ARHGEF18: variants seen among roughly 807,000 people sequenced by gnomAD.
ARHGEF18 encodes the protein rho guanine nucleotide exchange factor 18.
ARHGEF18 carries 93 observed loss-of-function variants against 155.7 expected under a neutral mutation model. That is an observed-to-expected ratio of 0.60 (90% CI 0.50 to 0.71). ARHGEF18 has a LOEUF of 0.71. Ranked by LOEUF, ARHGEF18 falls within the 30% of genes least tolerant of loss-of-function variation. The pLI, the probability that ARHGEF18 is intolerant of heterozygous loss-of-function variation, is 0.00. For synonymous variants in ARHGEF18, 742 were observed against 753.1 expected (o/e 0.99, Z 0.24); for missense variants, 1,593 against 1,816.1 (o/e 0.88, Z 2.23).
At chr19:7,388,025 C>T (rs1468878624) in intron 10 of ARHGEF18, among the ~76,000 whole-genome samples, 2 of 151,876 alleles carry the variant, frequency 1.3e-5, no homozygotes, top group South Asian at 2.1e-4. Flanking sequence ...GTTTGCCAAC[C>T]CCTGAACGAG....
intron 7 of ARHGEF18, among the ~76,000 whole-genome samples, chr19:7,379,489 T>G (rs377205494): frequency 4.6e-5 from 7 of 151,682 alleles, no homozygotes; most frequent in African/African-American, 1.7e-4. Context: ...AACCCAGGAG[T>G]TGGAGGTTGC....
chr19:7,456,424 G>A, intron 18 of ARHGEF18, 21 bp downstream of exon 18: 1 of 1,611,084 alleles, frequency 6.2e-7, no homozygotes, highest in Non-Finnish European at 8.5e-7. Flanking sequence ...TGTCTCTTCA[G>A]ACGAAGGGTC....
intron 2 of ARHGEF18, among the ~76,000 whole-genome samples, chr19:7,367,589 T>TA (rs761478812): frequency 2.0e-5 from 3 of 150,452 alleles, no homozygotes; most frequent in Non-Finnish European, 3.0e-5. Context: ...CTACTAAAAA[T>TA]AAAAAAATTA....
Position 7,468,822 on chromosome 19 carries a change from C to G in ARHGEF18, c.3481-3C>G, listed in dbSNP as rs1233202216. On this transcript the variant is annotated splice_region_variant and splice_polypyrimidine_tract_variant and intron_variant, in intron 26 of 28. Coordinates refer to ENST00000668164, the MANE Select transcript of ARHGEF18 (RefSeq NM_001367823.1). ...TTGGATGTATCTGCTGTTGTCCCCTCAGGCCCAGCCCCCAAGCCACCCTCC... is the reference window on the plus strand; with the variant it reads ...TTGGATGTATCTGCTGTTGTCCCCTGAGGCCCAGCCCCCAAGCCACCCTCC... 6.5e-7 allele frequency: 1 copy of G among 1,544,726 alleles called. No individual in the cohort carries two copies. The highest frequency in any genetic ancestry group is 1.2e-5 in the South Asian group (1 of 83,448).
At chr19:7,359,739 A>G (rs973970336) in intron 1 of ARHGEF18, among the ~76,000 whole-genome samples, 2 of 146,036 alleles carry the variant, frequency 1.4e-5, no homozygotes, top group Non-Finnish European at 3.1e-5. Context: ...TGTGACACAA[A>G]GATTGGAGTT....
intron 2 of ARHGEF18, among the ~76,000 whole-genome samples, chr19:7,371,068 G>A (rs987361210): frequency 1.3e-5 from 2 of 151,968 alleles, no homozygotes; most frequent in African/African-American, 4.8e-5. Context: ...CTCCCACCAT[G>A]CCCAGCTCAC....
intron 2 of ARHGEF18, among the ~76,000 whole-genome samples, chr19:7,368,444 G>T (rs1304681546): frequency 6.6e-6 from 1 of 152,054 alleles, no homozygotes; most frequent in Admixed American, 6.6e-5. Flanking sequence ...ATCTTTTCTT[G>T]CCCAAGATAT....
chr19:7,361,591 G>A (rs1361394771), intron 1 of ARHGEF18, among the ~76,000 whole-genome samples: 4 of 152,164 alleles, frequency 2.6e-5, no homozygotes, highest in African/African-American at 7.2e-5. Context: ...ATGGCAGCGT[G>A]ATTTGAAATA....
intron 10 of ARHGEF18, among the ~76,000 whole-genome samples, chr19:7,437,625 G>A (rs1438358521): frequency 1.6e-5 from 2 of 121,730 alleles, no homozygotes; most frequent in Non-Finnish European, 3.5e-5. Flanking sequence ...GAGGCCACAG[G>A]ACAGATCAGA....
chr19:7,409,870 T>G (rs1972570629), intron 10 of ARHGEF18, among the ~76,000 whole-genome samples: 1 of 149,804 alleles, frequency 6.7e-6, no homozygotes, highest in African/African-American at 2.5e-5. Flanking sequence ...GCCCTCCAAG[T>G]TCAAGCGATT....
At chr19:7,422,044 T>G (rs1042074495) in intron 10 of ARHGEF18, among the ~76,000 whole-genome samples, 1 of 152,148 alleles carries the variant, frequency 6.6e-6, no homozygotes, top group African/African-American at 2.4e-5. Flanking sequence ...TCTGACCTCC[T>G]GTCCCAACTT....
rs754361264 is a variant in ARHGEF18, at chr19:7,470,198, G to T, written c.3986G>T (p.Gly1329Val). The T allele has an allele frequency of 3.4e-5, 55 of 1,611,168 alleles. No individual in the cohort carries two copies. Among genetic ancestry groups the T allele is most frequent in the Non-Finnish European group, 4.5e-5 (53 of 1,179,302 alleles). The change falls in exon 29 of 29, where the codon GGC becomes GTC. Residue 1329 changes from glycine (G) to valine (V), a missense_variant. Physicochemically the swap from Gly to Val is moderately radical, Grantham distance 109. Transcript: ENST00000668164. This position sits in a 1 kb window ranked among gnomAD's most constrained non-coding sequence, Gnocchi z 5.9. ...PSEGFSLKAGGTALLPGPPAP... is the reference protein window; with the variant it reads ...PSEGFSLKAGVTALLPGPPAP... The stretch of plus-strand genomic sequence containing the variant: ...GAGGGCTTCTCTCTCAAGGCCGGGG[G>T]CACAGCCCTCCTGCCCGGGCCCCCA...
At position 7,471,063 on chromosome 19, in the gene ARHGEF18, A is replaced by G; in HGVS notation, c.*765A>G. On this transcript the variant is annotated 3_prime_UTR_variant, in exon 29 of 29. Transcript: ENST00000668164. The surrounding 1 kb of genome is among the most constrained non-coding windows in gnomAD (Gnocchi z 4.4). ...TTCCCAAACTCTGCTTCCCAAGGGC[A>G]ACCGTTGCTGTTCACACGCTCAGCC... 2.8e-6 allele frequency: 1 copy of G among 362,174 alleles called. No individual in the cohort carries two copies. The highest frequency in any genetic ancestry group is 4.9e-6 in the Non-Finnish European group (1 of 203,442). 22.4% of individuals were successfully genotyped at this position (362,174 alleles called of 1,614,324 possible).
At chr19:7,398,261 G>T (rs1026372676) in intron 10 of ARHGEF18, among the ~76,000 whole-genome samples, 1 of 151,680 alleles carries the variant, frequency 6.6e-6, no homozygotes, top group African/African-American at 2.4e-5. Flanking sequence ...AGTAGAGGCG[G>T]GGTTTCGCCA....
intron 1 of ARHGEF18, among the ~76,000 whole-genome samples, chr19:7,349,504 G>A (rs1012373873): frequency 8.6e-5 from 13 of 152,018 alleles, no homozygotes; most frequent in African/African-American, 2.7e-4. Flanking sequence ...GAGGCCGGGC[G>A]CGGTGGCTCA....
intron 10 of ARHGEF18, among the ~76,000 whole-genome samples, chr19:7,431,674 C>T (rs921168919): frequency 1.3e-5 from 2 of 152,000 alleles, no homozygotes; most frequent in Admixed American, 6.6e-5. Context: ...AATTAGCGGG[C>T]GTGGCGGCGC....
chr19:7,376,537 T>C, intron 4 of ARHGEF18, 106 bp from the exon 5 acceptor site: 1 of 585,914 alleles, frequency 1.7e-6, no homozygotes, highest in South Asian at 9.0e-5. Flanking sequence ...TGTCACCCCA[T>C]TTCTGTGGAG....
chr19:7,379,147 G>GAACTT lies in ARHGEF18; in HGVS notation c.626_630dup (p.Arg211AsnfsTer25). On this transcript the variant is annotated frameshift_variant, in exon 7 of 29. Coordinates refer to ENST00000668164, the MANE Select transcript of ARHGEF18 (RefSeq NM_001367823.1). LOFTEE classifies it high-confidence loss of function. ...GCTGATTGTCCAGCAGGTGCTTCAAGAACTTCGACAGTACCATGGGTAAGT... is the reference window on the plus strand; with the variant it reads ...GCTGATTGTCCAGCAGGTGCTTCAAGAACTTAACTTCGACAGTACCATGGGTAAGT... 1 of 1,232,640 alleles carries GAACTT rather than the reference G, an allele frequency of 8.1e-7. No homozygotes were observed. Among genetic ancestry groups the GAACTT allele is most frequent in the Non-Finnish European group, 1.0e-6 (1 of 988,404 alleles). The allele number at this position is 1,232,640 out of a possible 1,614,324, so 76.4% of individuals were successfully genotyped here.
chr19:7,354,667 C>T (rs931272003), intron 1 of ARHGEF18, among the ~76,000 whole-genome samples: 4 of 144,118 alleles, frequency 2.8e-5, no homozygotes, highest in African/African-American at 7.4e-5. Context: ...TGCGAGGCCG[C>T]GGCAGGAGGA....
Sources: allele counts gnomAD v4.1 joint callset (sites outside exome capture counted in the v4.1 genomes callset), GRCh38; gene constraint gnomAD v4.1.1; non-coding constraint Gnocchi (gnomAD v3.1); transcripts MANE v1.5; gene names NCBI Gene and HGNC (gene_info 2026-07-23, HGNC 2026-07-21).